CDK5RAP1: variants seen among roughly 807,000 people sequenced by gnomAD.
CDK5RAP1 encodes mitochondrial tRNA methylthiotransferase CDK5RAP1.
A neutral mutation model predicts 64.5 loss-of-function variants in CDK5RAP1; 62 were observed. The observed-to-expected ratio is 0.96, with a 90% CI of 0.78 to 1.19. CDK5RAP1 has a LOEUF of 1.19. Among genes scored for constraint, CDK5RAP1 ranks in the 50% most tolerant of loss-of-function variants. The probability of loss-of-function intolerance (pLI) is 0.00; values close to 1 mark genes in which losing one functional copy is unlikely to be tolerated. For synonymous variants in CDK5RAP1, 250 were observed against 261.9 expected (o/e 0.95, Z 0.44); for missense variants, 657 against 735.0 (o/e 0.89, Z 1.23).
intron 7 of CDK5RAP1, among the ~76,000 whole-genome samples, chr20:33,384,546 G>A (rs1480557538): frequency 1.3e-5 from 2 of 152,086 alleles, no homozygotes; most frequent in East Asian, 3.9e-4. Context: ...TTATCTGGGG[G>A]TAGGGCAAGA....
At chr20:33,393,506 G>C (rs1988562705) in intron 4 of CDK5RAP1, among the ~76,000 whole-genome samples, 1 of 152,076 alleles carries the variant, frequency 6.6e-6, no homozygotes, top group South Asian at 2.1e-4. Context: ...AGCAGCAGAG[G>C]CCTACAGAAC....
At chr20:33,370,770 C>G (rs1403722910) in intron 10 of CDK5RAP1, 141 bp from the exon 11 acceptor site, 1 of 778,342 alleles carries the variant, frequency 1.3e-6, no homozygotes, top group Non-Finnish European at 2.1e-6. Flanking sequence ...CAAAATAGTA[C>G]AGAGTAAGGC....
At chr20:33,399,520 A>C (rs572452856) in intron 1 of CDK5RAP1, among the ~76,000 whole-genome samples, 2 of 152,342 alleles carry the variant, frequency 1.3e-5, no homozygotes, top group East Asian at 3.9e-4. Context: ...GTAAACTGGC[A>C]GGTTCCTGCA....
chr20:33,361,970 AAAAAAG>A lies in CDK5RAP1; in HGVS notation c.1543-1485_1543-1480del, dbSNP rs1241915717. 6.9e-3 allele frequency among the ~76,000 whole-genome samples: 1,042 copies of A among 151,316 alleles called. 11 individuals are homozygous for A. The highest frequency in any genetic ancestry group is 0.024 in the African/African-American group (981 of 41,162). ...GCCTCAGTCTCAAAAAAAAAAAAAAAAAAAAGGAAGGAAGGGAGAGAGGGAGGGAAC... is the reference window on the plus strand; with the variant it reads ...GCCTCAGTCTCAAAAAAAAAAAAAAAGAAGGAAGGGAGAGAGGGAGGGAAC... On this transcript the variant is annotated intron_variant, in intron 12 of 13. Coordinates refer to ENST00000346416, the MANE Select transcript of CDK5RAP1 (RefSeq NM_016408.4).
chr20:33,398,291 G>A (rs952170617), intron 1 of CDK5RAP1, among the ~76,000 whole-genome samples: 18 of 151,888 alleles, frequency 1.2e-4, no homozygotes, highest in Admixed American at 5.9e-4. Context: ...CCAGGAGTTC[G>A]AGACCAGCCT....
chr20:33,372,788 T>C, intron 9 of CDK5RAP1, 91 bp from the exon 10 acceptor site: 1 of 837,966 alleles, frequency 1.2e-6, no homozygotes, highest in Middle Eastern at 2.2e-4. Flanking sequence ...TTTCCACATG[T>C]AATCACTTCT....
rs773541958 is a variant in CDK5RAP1 at position 33,385,762 on chromosome 20, A to G, written c.764T>C (p.Met255Thr). ...ASATSAFVSI[M>T]RGCDNMCSYC... ...GCTACACATGTTGTCACAGCCTCGC[A>G]TGATTGACCTGGAGAAGAAAGTACC... Residue 255 changes from methionine (M) to threonine (T), a missense_variant, in exon 7 of 14, where the codon ATG becomes ACG. Physicochemically the swap from Met to Thr is moderately conservative, Grantham distance 81 (BLOSUM62 -1). Coordinates refer to ENST00000346416, the MANE Select transcript of CDK5RAP1 (RefSeq NM_016408.4). 9.3e-6 allele frequency: 15 copies of G among 1,612,122 alleles called. No homozygotes were observed. The East Asian group carries it at 2.7e-4, about 29-fold the overall frequency.
intron 10 of CDK5RAP1, 102 bp downstream of exon 10, chr20:33,372,540 A>C (rs1413380714): frequency 7.1e-6 from 4 of 562,070 alleles, no homozygotes; most frequent in Non-Finnish European, 1.2e-5. Flanking sequence ...AAAGTTATGA[A>C]ACTGTGTCAC....
chr20:33,396,651 T>G, intron 2 of CDK5RAP1, 110 bp downstream of exon 2: 2 of 815,180 alleles, frequency 2.5e-6, no homozygotes, highest in Admixed American at 4.4e-5. Flanking sequence ...TCCCACAGCC[T>G]TCCCACACTG....
Position 33,400,338 on chromosome 20 carries a change from C to G in CDK5RAP1, c.-21+1090G>C, listed in dbSNP as rs78416798. ...TGACCTGCCACATCTGCTACTAGCA[C>G]TTAGGAGCAATGCCAACCCAGTTTC... is the stretch of plus-strand genomic sequence containing the variant. On this transcript the variant is annotated intron_variant, in intron 1 of 13. Transcript: ENST00000346416. 8.7e-3 allele frequency among the ~76,000 whole-genome samples: 1,318 copies of G among 152,312 alleles called. 12 individuals are homozygous for G. Among genetic ancestry groups the G allele is most frequent in the African/African-American group, 0.029 (1,203 of 41,576 alleles).
intron 5 of CDK5RAP1, among the ~76,000 whole-genome samples, chr20:33,387,843 G>C (rs1987658925): frequency 6.6e-6 from 1 of 152,066 alleles, no homozygotes; most frequent in Non-Finnish European, 1.5e-5. Flanking sequence ...GAGGCAGGCG[G>C]ATCACCTGAG....
intron 1 of CDK5RAP1, among the ~76,000 whole-genome samples, chr20:33,399,005 C>T (rs1989154750): frequency 6.6e-6 from 1 of 152,092 alleles, no homozygotes; most frequent in Admixed American, 6.6e-5. Context: ...ATGCTACCTA[C>T]ATTATACTAC....
chr20:33,365,995 A>G (rs190447561), intron 12 of CDK5RAP1, among the ~76,000 whole-genome samples: 13 of 152,326 alleles, frequency 8.5e-5, no homozygotes, highest in African/African-American at 3.1e-4. Context: ...TCTAGCCCCA[A>G]GTAAGTAATG....
intron 8 of CDK5RAP1, among the ~76,000 whole-genome samples, chr20:33,376,153 A>C (rs545370758): frequency 4.1e-4 from 63 of 152,068 alleles, no homozygotes; most frequent in African/African-American, 1.4e-3. Context: ...ATCTCTACTA[A>C]GTCTCTGCTA....
intron 13 of CDK5RAP1, chr20:33,360,144 C>G: frequency 5.3e-6 from 3 of 563,822 alleles, no homozygotes. Flanking sequence ...AAGAACGCTT[C>G]CAGGGCAGGA....
At chr20:33,369,834 C>G (rs1337110973) in intron 11 of CDK5RAP1, among the ~76,000 whole-genome samples, 2 of 152,284 alleles carry the variant, frequency 1.3e-5, no homozygotes, top group East Asian at 1.9e-4. Flanking sequence ...TGTCAGCCAG[C>G]TTTTCTGAGC....
At chr20:33,384,649 C>G (rs1363447804) in intron 7 of CDK5RAP1, among the ~76,000 whole-genome samples, 1 of 152,140 alleles carries the variant, frequency 6.6e-6, no homozygotes, top group African/African-American at 2.4e-5. Context: ...TGACTGTAAT[C>G]CCAGCACTTT....
intron 11 of CDK5RAP1, among the ~76,000 whole-genome samples, chr20:33,368,270 T>C (rs1382440903): frequency 6.6e-6 from 1 of 152,042 alleles, no homozygotes; most frequent in Non-Finnish European, 1.5e-5. Flanking sequence ...TGCCACAAGC[T>C]GAAAACCCAT....
intron 4 of CDK5RAP1, among the ~76,000 whole-genome samples, chr20:33,393,277 G>A (rs985955595): frequency 1.3e-4 from 20 of 152,122 alleles, no homozygotes; most frequent in African/African-American, 4.8e-4. Context: ...CTGGACTCAA[G>A]TGATCCTCCC....
Sources: gnomAD v4.1 joint callset for allele counts (sites outside exome capture counted in the v4.1 genomes callset) on GRCh38, gnomAD v4.1.1 for gene constraint, MANE v1.5 for transcripts, NCBI Gene and HGNC (gene_info 2026-07-23, HGNC 2026-07-21) for gene names.